DCC: variants seen among roughly 807,000 people sequenced by gnomAD.
DCC encodes the protein DCC netrin 1 receptor, also known as netrin receptor DCC.
In DCC, 58 loss-of-function variants were observed where a neutral mutation model predicts 172.5. The ratio of observed to expected loss-of-function variants is 0.34; its 90% confidence interval spans 0.27 to 0.42. The LOEUF is 0.42. Among genes scored for constraint, DCC ranks in the 10% least tolerant of loss-of-function variants. The pLI is 1.00. For missense variants in DCC, 1,740 were observed against 1,791.0 expected, an observed-to-expected ratio of 0.97 and a Z score of 0.51; for synonymous variants, 709 against 644.5, an observed-to-expected ratio of 1.10 and a Z score of -1.52.
chr18:53,315,448 A>G (rs1005545214), intron 13 of DCC, among the ~76,000 whole-genome samples: 2 of 152,134 alleles, frequency 1.3e-5, no homozygotes, highest in Admixed American at 1.3e-4. Flanking sequence ...TTTATAGTAG[A>G]ATGATTTATA....
chr18:52,664,071 G>A (rs1471748676), intron 1 of DCC, among the ~76,000 whole-genome samples: 1 of 152,258 alleles, frequency 6.6e-6, no homozygotes, highest in East Asian at 1.9e-4. Context: ...AAGTAGAGCT[G>A]TGTCAGCAGA....
intron 1 of DCC, among the ~76,000 whole-genome samples, chr18:52,558,177 A>C (rs1449831278): frequency 6.6e-6 from 1 of 151,914 alleles, no homozygotes; most frequent in East Asian, 1.9e-4. Context: ...CATTATTGGA[A>C]AAAATTATTG....
intron 1 of DCC, among the ~76,000 whole-genome samples, chr18:52,558,335 G>A (rs923643684): frequency 1.3e-5 from 2 of 151,806 alleles, no homozygotes; most frequent in Non-Finnish European, 2.9e-5. Context: ...GCTATATTTA[G>A]CAAAGCTTCG....
chr18:52,811,376 ACT>A (rs770355286), intron 2 of DCC, among the ~76,000 whole-genome samples: 1 of 152,224 alleles, frequency 6.6e-6, no homozygotes, highest in Non-Finnish European at 1.5e-5. Flanking sequence ...TGAGCTAATT[ACT>A]TTTAAAATGT....
At position 53,494,963 on chromosome 18, in the gene DCC, T is replaced by C. The variant is rs186068655; in HGVS notation, c.3899-4335T>C. Among the ~76,000 whole-genome samples the C allele has an allele frequency of 4.6e-3, 696 of 152,346 alleles. 10 individuals carry two copies. Among genetic ancestry groups the C allele is most frequent in the Middle Eastern group, 0.014 (4 of 294 alleles). On this transcript the variant is annotated intron_variant, in intron 26 of 28. Transcript: ENST00000442544. The stretch of plus-strand genomic sequence containing the variant: ...ACCGGTTGTTCCTTTCCATGTTTAG[T>C]GCCTCCTTCAGGAGCTCTTGTAAGG...
intron 7 of DCC, among the ~76,000 whole-genome samples, chr18:53,096,275 G>T (rs1030086770): frequency 1.3e-5 from 2 of 152,124 alleles, no homozygotes; most frequent in African/African-American, 4.8e-5. Context: ...AGGGCCCAAG[G>T]TTACAGCGAG....
intron 2 of DCC, among the ~76,000 whole-genome samples, chr18:52,886,416 G>T (rs1346460755): frequency 1.3e-5 from 2 of 152,114 alleles, no homozygotes; most frequent in East Asian, 3.9e-4. Flanking sequence ...AGTCCAGCAG[G>T]GCTTAGCTGT....
chr18:52,473,629 A>T (rs963347238), intron 1 of DCC, among the ~76,000 whole-genome samples: 3 of 152,104 alleles, frequency 2.0e-5, no homozygotes, highest in African/African-American at 7.2e-5. Flanking sequence ...CCCTTATGAA[A>T]CCATCAGCTC....
intron 1 of DCC, among the ~76,000 whole-genome samples, chr18:52,558,577 T>C (rs2032967044): frequency 6.6e-6 from 1 of 152,186 alleles, no homozygotes; most frequent in African/African-American, 2.4e-5. Context: ...ATATTGTGAT[T>C]TAATACAAAA....
At chr18:52,797,717 T>C (rs1028151305) in intron 2 of DCC, among the ~76,000 whole-genome samples, 4 of 152,204 alleles carry the variant, frequency 2.6e-5, no homozygotes, top group African/African-American at 7.2e-5. Context: ...GTTGAACTTA[T>C]ACTCTGCCCT....
In DCC at chr18:53,526,789, T is replaced by A. The variant is rs138778668; in HGVS notation, c.4254+30T>A. ...GGGCATCTTTAAAATTCATGCTTCA[T>A]CAAGGGACAGATTGACTGGCGCTGT... On this transcript the variant is annotated intron_variant, in intron 28 of 28. Coordinates refer to ENST00000442544, the MANE Select transcript of DCC (RefSeq NM_005215.4). The A allele has an allele frequency of 9.2e-5, 148 of 1,612,650 alleles. No individual in the cohort carries two copies. The African/African-American group carries it at 1.8e-3, about 20-fold the overall frequency.
Position 53,426,935 on chromosome 18 carries a change from T to C in DCC, c.3164-8209T>C, listed in dbSNP as rs566741732. Among the ~76,000 whole-genome samples the C allele has an allele frequency of 1.2e-4, 19 of 152,210 alleles. No homozygotes were observed. The South Asian group carries it at 1.5e-3, about 12-fold the overall frequency. ...ACTGCAGCTGCAACTTCCAGATCTA[T>C]AGTCACTTGGAGGAGAGAACTCTCT... is the stretch of plus-strand genomic sequence containing the variant. On this transcript the variant is annotated intron_variant, in intron 21 of 28. Transcript: ENST00000442544.
Position 52,515,914 on chromosome 18 carries a change from C to A in DCC, c.91+175036C>A, listed in dbSNP as rs114202940. Among the ~76,000 whole-genome samples the A allele has an allele frequency of 3.1e-3, 418 of 132,804 alleles. 2 individuals carry two copies. The highest frequency in any genetic ancestry group is 0.011 in the African/African-American group (403 of 36,676). The allele number at this position is 132,804 out of a possible 152,430, so 87.1% of individuals were successfully genotyped here. The stretch of plus-strand genomic sequence containing the variant: ...CAAAACTAAACAATAGAAAAAAAAT[C>A]CAGTTAGAAAATGGAAAAAAAAAAA... On this transcript the variant is annotated intron_variant, in intron 1 of 28. Coordinates refer to ENST00000442544, the MANE Select transcript of DCC (RefSeq NM_005215.4).
intron 21 of DCC, among the ~76,000 whole-genome samples, chr18:53,422,881 C>T (rs1160492047): frequency 2.6e-5 from 4 of 152,100 alleles, no homozygotes; most frequent in Non-Finnish European, 2.9e-5. Flanking sequence ...GTTTATTATT[C>T]GGCTGCTTGC....
chr18:52,694,240 G>A (rs929292528), intron 1 of DCC, among the ~76,000 whole-genome samples: 1 of 152,088 alleles, frequency 6.6e-6, no homozygotes, highest in African/African-American at 2.4e-5. Context: ...AAACTGTCAA[G>A]GTGGTGAAAA....
Position 53,403,086 on chromosome 18 carries a change from A to G in DCC, c.2935+193A>G, listed in dbSNP as rs1447148297. Among the ~76,000 whole-genome samples the G allele has an allele frequency of 1.0e-4, 10 of 99,964 alleles. No homozygotes were observed. In the East Asian group the frequency reaches 3.0e-3, roughly 30 times the overall value. The allele number at this position is 99,964 out of a possible 152,430, so 65.6% of individuals were successfully genotyped here. ...TTCTTCTAATGGTGCACACACACAC[A>G]CACACACACACACACACACACACAC... On this transcript the variant is annotated intron_variant, in intron 19 of 28. Transcript: ENST00000442544.
At chr18:53,349,814 G>A (rs886584231) in intron 15 of DCC, among the ~76,000 whole-genome samples, 1 of 152,156 alleles carries the variant, frequency 6.6e-6, no homozygotes, top group Non-Finnish European at 1.5e-5. Context: ...CACAAACCAG[G>A]TTCCTCCCAT....
chr18:52,427,953 G>A (rs540806112), intron 1 of DCC, among the ~76,000 whole-genome samples: 195 of 150,078 alleles, frequency 1.3e-3, no homozygotes, highest in African/African-American at 4.5e-3. Context: ...GAGCCAAAAG[G>A]CAAGCACTCC....
chr18:52,431,333 T>C lies in DCC; in HGVS notation c.91+90455T>C, dbSNP rs766914448. Reference sequence around the variant, plus strand: ...TAATAATAAAGAAAGAAGAGAACATTTAGAAAAAAAAAGATCAGCATTCAC... The same window carrying C: ...TAATAATAAAGAAAGAAGAGAACATCTAGAAAAAAAAAGATCAGCATTCAC... On this transcript the variant is annotated intron_variant, in intron 1 of 28. Coordinates refer to ENST00000442544, the MANE Select transcript of DCC (RefSeq NM_005215.4). Among the ~76,000 whole-genome samples, 6 of 151,814 alleles carry C rather than the reference T, an allele frequency of 4.0e-5. 1 individual carries two copies. The highest frequency in any genetic ancestry group is 4.2e-4 in the South Asian group (2 of 4,806).
Sources: gnomAD v4.1 joint callset for allele counts (sites outside exome capture counted in the v4.1 genomes callset) on GRCh38, gnomAD v4.1.1 for gene constraint, MANE v1.5 for transcripts, NCBI Gene and HGNC (gene_info 2026-07-23, HGNC 2026-07-21) for gene names.